LHFPL3: variants seen among roughly 807,000 people sequenced by gnomAD.
LHFPL3 encodes LHFPL tetraspan subfamily member 3.
LHFPL3 carries 5 observed loss-of-function variants against 19.3 expected under a neutral mutation model. That is an observed-to-expected ratio of 0.26 (90% confidence interval 0.14 to 0.54). The LOEUF (loss-of-function observed/expected upper bound fraction) is 0.54. Among genes scored for constraint, LHFPL3 ranks in the 20% least tolerant of loss-of-function variants. The pLI is 0.94. For synonymous variants in LHFPL3, 133 were observed against 126.2 expected (o/e 1.05, Z -0.36); for missense variants, 249 against 307.4 (o/e 0.81, Z 1.42).
At chr7:104,435,461 T>C (rs1053828988) in intron 1 of LHFPL3, among the ~76,000 whole-genome samples, 9 of 151,384 alleles carry the variant, frequency 5.9e-5, no homozygotes, top group Non-Finnish European at 1.2e-4. Context: ...AGACTTATTT[T>C]TTTATTTTAT....
chr7:104,544,084 A>C (rs1006759274), intron 1 of LHFPL3, among the ~76,000 whole-genome samples: 1 of 151,730 alleles, frequency 6.6e-6, no homozygotes, highest in Non-Finnish European at 1.5e-5. Context: ...AATTCATTCA[A>C]CTCATAAAAG....
intron 1 of LHFPL3, among the ~76,000 whole-genome samples, chr7:104,503,503 T>A (rs547320410): frequency 1.3e-5 from 2 of 152,314 alleles, no homozygotes; most frequent in East Asian, 3.9e-4. Context: ...ATTTCCCAAA[T>A]ATTCTTGAGT....
At chr7:104,621,040 C>T (rs1050998915) in intron 1 of LHFPL3, among the ~76,000 whole-genome samples, 2 of 152,194 alleles carry the variant, frequency 1.3e-5, no homozygotes, top group Admixed American at 6.5e-5. Context: ...AATACATTTT[C>T]TCATATTCAA....
chr7:104,635,269 T>G (rs1427278243), intron 1 of LHFPL3, among the ~76,000 whole-genome samples: 1 of 152,048 alleles, frequency 6.6e-6, no homozygotes, highest in Non-Finnish European at 1.5e-5. Context: ...AAAGAAATGT[T>G]TAAATAAATG....
chr7:104,360,694 C>CGT (rs61216282), intron 1 of LHFPL3, among the ~76,000 whole-genome samples: 10,533 of 144,104 alleles, frequency 0.073, 472 homozygotes, highest in Non-Finnish European at 0.099. Context: ...AAAGTGCTTC[C>CGT]GTGTGTGTGT....
chr7:104,564,663 C>G (rs1790083978), intron 1 of LHFPL3, among the ~76,000 whole-genome samples: 1 of 152,188 alleles, frequency 6.6e-6, no homozygotes, highest in Admixed American at 6.5e-5. Context: ...ATGCCCATGA[C>G]TGAGGCAGTT....
At chr7:104,625,109 G>A (rs116871996) in intron 1 of LHFPL3, among the ~76,000 whole-genome samples, 1,946 of 152,278 alleles carry the variant, frequency 0.013, 20 homozygotes, top group South Asian at 0.033. Flanking sequence ...AAACATCTCT[G>A]CAAATCATAT....
chr7:104,734,097 A>G (rs1014503645), intron 1 of LHFPL3, among the ~76,000 whole-genome samples: 15 of 152,186 alleles, frequency 9.9e-5, no homozygotes, highest in African/African-American at 3.6e-4. Flanking sequence ...ATCAGCTGTT[A>G]GTCTGATGGG....
At chr7:104,721,086 C>T (rs1003915779) in intron 1 of LHFPL3, among the ~76,000 whole-genome samples, 2 of 152,100 alleles carry the variant, frequency 1.3e-5, no homozygotes, top group African/African-American at 4.8e-5. Flanking sequence ...GACACATGCA[C>T]ATGTATATTT....
intron 1 of LHFPL3, among the ~76,000 whole-genome samples, chr7:104,666,512 C>T (rs1266925665): frequency 5.0e-3 from 211 of 42,140 alleles, no homozygotes; most frequent in South Asian, 0.017. Context: ...GGATTTCATT[C>T]TTTTTTTTTT....
chr7:104,820,820 G>A (rs537376137), intron 2 of LHFPL3, among the ~76,000 whole-genome samples: 34 of 152,194 alleles, frequency 2.2e-4, no homozygotes, highest in African/African-American at 7.5e-4. Flanking sequence ...GGAGAGAAAC[G>A]CCTTCCATTC....
intron 1 of LHFPL3, among the ~76,000 whole-genome samples, chr7:104,362,354 TAC>T (rs1488037529): frequency 2.6e-5 from 4 of 152,196 alleles, no homozygotes; most frequent in African/African-American, 9.7e-5. Context: ...GTAAACTCAT[TAC>T]ATCATAAAAA....
intron 1 of LHFPL3, among the ~76,000 whole-genome samples, chr7:104,586,836 C>G (rs1790588528): frequency 6.6e-6 from 1 of 152,142 alleles, no homozygotes; most frequent in Non-Finnish European, 1.5e-5. Flanking sequence ...CACATTAACA[C>G]AATCTGGAGG....
intron 1 of LHFPL3, among the ~76,000 whole-genome samples, chr7:104,610,627 G>A (rs1791196018): frequency 6.6e-6 from 1 of 152,124 alleles, no homozygotes; most frequent in African/African-American, 2.4e-5. Context: ...TCAGCTCAAT[G>A]ACAGTCAAGC....
At chr7:104,897,327 T>A (rs1453303563) in intron 2 of LHFPL3, among the ~76,000 whole-genome samples, 1 of 152,146 alleles carries the variant, frequency 6.6e-6, no homozygotes, top group Non-Finnish European at 1.5e-5. Flanking sequence ...CATTAGATCT[T>A]GGGTATAAAT....
At chr7:104,392,775 T>G (rs1299857492) in intron 1 of LHFPL3, among the ~76,000 whole-genome samples, 1 of 152,306 alleles carries the variant, frequency 6.6e-6, no homozygotes, top group South Asian at 2.1e-4. Flanking sequence ...CAGCTCCTCT[T>G]TGTACCTCTG....
intron 1 of LHFPL3, among the ~76,000 whole-genome samples, chr7:104,487,122 C>T (rs1793250721): frequency 6.6e-6 from 1 of 151,748 alleles, no homozygotes; most frequent in Admixed American, 6.6e-5. Flanking sequence ...AGTTTTTCTT[C>T]CACATTTTTC....
chr7:104,551,170 C>T (rs1794657096), intron 1 of LHFPL3, among the ~76,000 whole-genome samples: 1 of 152,048 alleles, frequency 6.6e-6, no homozygotes, highest in Non-Finnish European at 1.5e-5. Flanking sequence ...TATAAAAAAA[C>T]AACTATTAAG....
intron 2 of LHFPL3, among the ~76,000 whole-genome samples, chr7:104,791,370 A>G (rs952369017): frequency 6.6e-6 from 1 of 152,234 alleles, no homozygotes; most frequent in African/African-American, 2.4e-5. Flanking sequence ...GGAGTTAAGC[A>G]TAGAGAAAGG....
Sources: gnomAD v4.1 joint callset for allele counts (sites outside exome capture counted in the v4.1 genomes callset) on GRCh38, gnomAD v4.1.1 for gene constraint, MANE v1.5 for transcripts, NCBI Gene and HGNC (gene_info 2026-07-23, HGNC 2026-07-21) for gene names.